The following DYSF variants were observed in gnomAD, a reference collection of about 807,000 sequenced individuals.
DYSF encodes the protein dysferlin.
A neutral mutation model predicts 274.9 loss-of-function variants in DYSF; 212 were observed. That is an observed-to-expected ratio of 0.77 (90% CI 0.69 to 0.86). The LOEUF (loss-of-function observed/expected upper bound fraction) is 0.86, where lower values mean the gene tolerates loss of function less well. Among genes scored for constraint, DYSF ranks in the 40% least tolerant of loss-of-function variants. The pLI, the probability that DYSF is intolerant of heterozygous loss-of-function variation, is 0.00. For missense variants in DYSF, 2,666 were observed against 2,783.2 expected, an observed-to-expected ratio of 0.96 and a Z score of 0.95; for synonymous variants, 1,091 against 1,078.7, an observed-to-expected ratio of 1.01 and a Z score of -0.22.
chr2:71,561,865 A>G lies in DYSF; in HGVS notation c.2330A>G (p.Lys777Arg), dbSNP rs372475742. Residue 777 changes from lysine to arginine, a missense_variant, in exon 23 of 56, where the codon AAG becomes AGG. By Grantham distance (26) the Lys-to-Arg change is conservative (BLOSUM62 2). Transcript: ENST00000410020. Reference sequence around the variant, plus strand: ...ATCACTGAGGCTGCCCTGGCCCTGAAGCTCGGCCACAGTGAGCTCCCTGCA... The same window carrying G: ...ATCACTGAGGCTGCCCTGGCCCTGAGGCTCGGCCACAGTGAGCTCCCTGCA... The part of the protein sequence containing the change: ...SQITEAALAL[K>R]LGHSELPAAL... 9 of 1,614,120 alleles carry G rather than the reference A, an allele frequency of 5.6e-6. No homozygotes were observed. The highest frequency in any genetic ancestry group is 7.6e-6 in the Non-Finnish European group (9 of 1,180,010).
intron 27 of DYSF, 78 bp from the exon 28 acceptor site, chr2:71,570,151 C>A: frequency 7.4e-7 from 1 of 1,357,508 alleles, no homozygotes; most frequent in Non-Finnish European, 1.1e-6. Flanking sequence ...CGTATGTTGT[C>A]AAGTTGCATC....
chr2:71,505,925 C>A (rs543877144), intron 4 of DYSF, among the ~76,000 whole-genome samples: 20 of 152,272 alleles, frequency 1.3e-4, no homozygotes, highest in African/African-American at 4.3e-4. Flanking sequence ...GAGCGGGGAC[C>A]TGAGGCGGGC....
In DYSF at chr2:71,564,177, C is replaced by T. The variant is rs771479163; in HGVS notation, c.2529C>T (p.Gly843=). 5 of 1,614,256 alleles carry T rather than the reference C, an allele frequency of 3.1e-6. No homozygotes were observed. The Admixed American group carries it at 5.0e-5, about 16-fold the overall frequency. ...LFSRRGANYC[G]KNCGKLQTIF... ...CCCGGCGGGGTGCCAACTACTGTGG[C>T]AAGAATTGTGGGAAGCTACAGACAA... The change falls in exon 24 of 56, where the codon GGC becomes GGT. Residue 843 remains glycine, a synonymous_variant. Transcript: ENST00000410020.
At chr2:71,579,525 G>A (rs1428297800) in intron 30 of DYSF, among the ~76,000 whole-genome samples, 1 of 152,172 alleles carries the variant, frequency 6.6e-6, no homozygotes, top group Non-Finnish European at 1.5e-5. Flanking sequence ...TTTATCCAAT[G>A]CTCCAGGGGA....
At chr2:71,529,515 A>C (rs6713986) in intron 14 of DYSF, among the ~76,000 whole-genome samples, 100,512 of 152,116 alleles carry the variant, frequency 0.66, 33,965 homozygotes, top group Middle Eastern at 0.77. Flanking sequence ...AAGAACTCAG[A>C]GTAGTTGATG....
At chr2:71,598,790 C>A (rs756082954) in intron 33 of DYSF, 45 bp downstream of exon 33, 1 of 1,601,358 alleles carries the variant, frequency 6.2e-7, no homozygotes, top group South Asian at 1.1e-5. Context: ...AGGGAGGGAC[C>A]ATGTGCAAAG....
chr2:71,683,268 T>C (rs2095317133), intron 55 of DYSF, among the ~76,000 whole-genome samples: 1 of 152,096 alleles, frequency 6.6e-6, no homozygotes, highest in Admixed American at 6.5e-5. Context: ...CATTTGGGTT[T>C]CCTTTCACTT....
chr2:71,566,352 G>GC (rs2092105241), intron 24 of DYSF, among the ~76,000 whole-genome samples: 2 of 32,038 alleles, frequency 6.2e-5, no homozygotes, highest in Non-Finnish European at 1.2e-4. Flanking sequence ...CTGGTTTCAA[G>GC]CAAAAAAAAA....
upstream of DYSF, among the ~76,000 whole-genome samples, chr2:71,463,040 G>A (rs1373298381): frequency 6.6e-6 from 1 of 152,320 alleles, no homozygotes; most frequent in South Asian, 2.1e-4. Context: ...TTTCACTGAG[G>A]ACCCACCCCT....
chr2:71,544,912 A>C (rs2090345307), intron 17 of DYSF, among the ~76,000 whole-genome samples: 1 of 152,194 alleles, frequency 6.6e-6, no homozygotes, highest in South Asian at 2.1e-4. Flanking sequence ...TAGAGGGTTG[A>C]ACAAAGTATT....
At chr2:71,608,545 T>A (rs868225633) in intron 36 of DYSF, among the ~76,000 whole-genome samples, 6 of 152,260 alleles carry the variant, frequency 3.9e-5, no homozygotes, top group Middle Eastern at 3.4e-3. Context: ...TGTCTCTTCC[T>A]TCTGCCTCCG....
At chr2:71,504,656 C>T (rs2085312019) in intron 4 of DYSF, among the ~76,000 whole-genome samples, 1 of 152,198 alleles carries the variant, frequency 6.6e-6, no homozygotes, top group Non-Finnish European at 1.5e-5. Flanking sequence ...GCCTTGGGGT[C>T]AGGCTTGGTT....
rs576895461 is a variant in DYSF, at chr2:71,635,028, C to T, written c.4528-8937C>T. Among the ~76,000 whole-genome samples, 15 of 152,300 alleles carry T rather than the reference C, an allele frequency of 9.8e-5. 1 individual carries two copies. The South Asian group carries it at 2.9e-3, about 29-fold the overall frequency. On this transcript the variant is annotated intron_variant, in intron 41 of 55. Transcript: ENST00000410020. ...GCTTAGGCTCTGTCTCCCATGACACCCATGCAGCCATCTCCAATCAACTGC... is the reference window on the plus strand; with the variant it reads ...GCTTAGGCTCTGTCTCCCATGACACTCATGCAGCCATCTCCAATCAACTGC...
intron 30 of DYSF, among the ~76,000 whole-genome samples, chr2:71,588,047 C>T (rs1558547687): frequency 1.3e-5 from 2 of 152,150 alleles, no homozygotes; most frequent in South Asian, 4.1e-4. Context: ...GATCTGAAGA[C>T]GGGGAGGCCT....
intron 26 of DYSF, 40 bp from the exon 27 acceptor site, chr2:71,569,780 C>T: frequency 6.4e-7 from 1 of 1,572,910 alleles, no homozygotes; most frequent in South Asian, 1.1e-5. Flanking sequence ...GGGGCCTCTC[C>T]AGCAGAGCAG....
chr2:71,681,461 G>A (rs2095295718), intron 54 of DYSF, among the ~76,000 whole-genome samples: 1 of 152,208 alleles, frequency 6.6e-6, no homozygotes, highest in South Asian at 2.1e-4. Context: ...AGTTAAATAA[G>A]GGCATTCCAG....
intron 32 of DYSF, 124 bp downstream of exon 32, chr2:71,590,412 G>C (rs1483053765): frequency 1.9e-6 from 2 of 1,037,688 alleles, no homozygotes; most frequent in African/African-American, 3.1e-5. Context: ...CTGTCACCAG[G>C]GTCCTGTGGC....
chr2:71,665,344 C>T, intron 47 of DYSF, 40 bp downstream of exon 47: 1 of 1,613,510 alleles, frequency 6.2e-7, no homozygotes, highest in East Asian at 2.2e-5. Context: ...TGGGCTCTCG[C>T]TGTATCCCTC....
At chr2:71,511,376 T>C (rs2086075848) in intron 4 of DYSF, among the ~76,000 whole-genome samples, 1 of 152,124 alleles carries the variant, frequency 6.6e-6, no homozygotes, top group African/African-American at 2.4e-5. Context: ...CAAAGGGACA[T>C]TTTCCTGAAG....
Sources: allele counts gnomAD v4.1 joint callset (sites outside exome capture counted in the v4.1 genomes callset), GRCh38; gene constraint gnomAD v4.1.1; transcripts MANE v1.5; gene names NCBI Gene and HGNC (gene_info 2026-07-23, HGNC 2026-07-21).